The following PTPRK variants were observed in gnomAD, a reference collection of about 807,000 sequenced individuals.
PTPRK encodes the protein receptor-type tyrosine-protein phosphatase kappa.
A neutral mutation model predicts 178.0 loss-of-function variants in PTPRK; 75 were observed. The ratio of observed to expected loss-of-function variants is 0.42; its 90% confidence interval spans 0.35 to 0.51. The LOEUF (loss-of-function observed/expected upper bound fraction) is 0.51, where lower values mean the gene tolerates loss of function less well. Ranked by LOEUF, PTPRK falls within the 20% of genes least tolerant of loss-of-function variation. The pLI is 0.02. For missense variants in PTPRK, 1,441 were observed against 1,797.8 expected, an observed-to-expected ratio of 0.80 and a Z score of 3.59; for synonymous variants, 637 against 620.6, an observed-to-expected ratio of 1.03 and a Z score of -0.39.
intron 21 of PTPRK, among the ~76,000 whole-genome samples, chr6:127,988,808 A>T: frequency 6.6e-6 from 1 of 150,688 alleles, no homozygotes; most frequent in South Asian, 2.1e-4. Context: ...CTTTTTTCTC[A>T]TTTGTTTCTT....
intron 13 of PTPRK, among the ~76,000 whole-genome samples, chr6:128,031,902 C>T (rs1216807382): frequency 6.6e-6 from 1 of 152,180 alleles, no homozygotes; most frequent in Non-Finnish European, 1.5e-5. Flanking sequence ...TCCTCAATCT[C>T]ATGTCCTGTC....
At chr6:128,215,389 C>T (rs894253520) in intron 6 of PTPRK, among the ~76,000 whole-genome samples, 7 of 152,272 alleles carry the variant, frequency 4.6e-5, no homozygotes, top group African/African-American at 1.7e-4. Flanking sequence ...CTTATAAATA[C>T]TACTTCGACT....
chr6:128,114,425 C>T (rs1351633196), intron 7 of PTPRK, among the ~76,000 whole-genome samples: 1 of 151,798 alleles, frequency 6.6e-6, no homozygotes, highest in African/African-American at 2.4e-5. Context: ...CAAAACCAGC[C>T]TAGCCAACAT....
chr6:128,441,832 C>G (rs1344546244), intron 1 of PTPRK, among the ~76,000 whole-genome samples: 3 of 152,160 alleles, frequency 2.0e-5, no homozygotes, highest in African/African-American at 7.2e-5. Flanking sequence ...TATGAAAGCA[C>G]AAATGGTCTG....
At chr6:128,141,661 G>C (rs557069015) in intron 7 of PTPRK, among the ~76,000 whole-genome samples, 42 of 151,888 alleles carry the variant, frequency 2.8e-4, no homozygotes, top group African/African-American at 1.0e-3. Context: ...GCTTCATTAT[G>C]TGTTAAAGCA....
At position 128,196,139 on chromosome 6, in the gene PTPRK, T is replaced by C. The variant is rs147908218; in HGVS notation, c.869-11414A>G. On this transcript the variant is annotated intron_variant, in intron 6 of 29. Transcript: ENST00000368226. ...TTCAACTAAGAAAGGCAGGTTTTCA[T>C]GGGCAATTGGAGAATATGTAGGCTT... Among the ~76,000 whole-genome samples the C allele has an allele frequency of 6.7e-3, 1,025 of 152,186 alleles. 6 individuals are homozygous for C. Among genetic ancestry groups the C allele is most frequent in the African/African-American group, 0.018 (746 of 41,538 alleles).
chr6:127,990,559 C>T (rs570669820), intron 21 of PTPRK, among the ~76,000 whole-genome samples: 25 of 151,806 alleles, frequency 1.6e-4, no homozygotes, highest in African/African-American at 5.6e-4. Context: ...TTAATTCAAT[C>T]GGCTCTAAGA....
intron 2 of PTPRK, among the ~76,000 whole-genome samples, chr6:128,347,810 CATTTT>C (rs908003683): frequency 1.3e-5 from 2 of 152,038 alleles, no homozygotes; most frequent in African/African-American, 2.4e-5. Flanking sequence ...AAATTTCCCA[CATTTT>C]ATTTATTTAT....
intron 6 of PTPRK, among the ~76,000 whole-genome samples, chr6:128,217,195 G>A (rs1020282879): frequency 7.2e-5 from 11 of 152,172 alleles, no homozygotes; most frequent in Admixed American, 6.5e-4. Flanking sequence ...GTGAACATGT[G>A]ATAAATTGTT....
intron 2 of PTPRK, among the ~76,000 whole-genome samples, chr6:128,373,109 A>G (rs1836525141): frequency 6.6e-6 from 1 of 152,214 alleles, no homozygotes; most frequent in Non-Finnish European, 1.5e-5. Context: ...TATCAAAGAC[A>G]TTGTGCTAAA....
intron 6 of PTPRK, among the ~76,000 whole-genome samples, chr6:128,211,998 A>C (rs1266581035): frequency 6.6e-6 from 1 of 152,000 alleles, no homozygotes; most frequent in Non-Finnish European, 1.5e-5. Flanking sequence ...AGACTCTCCC[A>C]GTGTAACTTT....
rs576508611 is a variant in PTPRK at position 128,520,472 on chromosome 6, C to T, written c.-114G>A. 3.4e-5 allele frequency: 32 copies of T among 935,588 alleles called. No individual in the cohort carries two copies. The African/African-American group carries it at 4.4e-4, about 13-fold the overall frequency. The allele number at this position is 935,588 out of a possible 1,614,324, so 58.0% of individuals were successfully genotyped here. A position where few individuals can be genotyped will look rare whatever the true frequency, so the allele number is the denominator to read the frequency against. On this transcript the variant is annotated 5_prime_UTR_variant, in exon 1 of 30. Coordinates refer to ENST00000368226, the MANE Select transcript of PTPRK (RefSeq NM_002844.4). ...TCGCGGGGTGAGGACGGTGAGAGGA[C>T]AGCCGCCCGCCCGCCCTTTTTCCTT...
intron 1 of PTPRK, among the ~76,000 whole-genome samples, chr6:128,443,775 C>T (rs1384057865): frequency 6.6e-6 from 1 of 152,154 alleles, no homozygotes; most frequent in Non-Finnish European, 1.5e-5. Context: ...TTTGCTATGC[C>T]TGGGAAATAA....
chr6:128,385,238 T>A (rs192654348), intron 2 of PTPRK, among the ~76,000 whole-genome samples: 2 of 152,078 alleles, frequency 1.3e-5, no homozygotes, highest in African/African-American at 4.8e-5. Flanking sequence ...AAATAAAAAT[T>A]TCAAGAGGTC....
intron 2 of PTPRK, among the ~76,000 whole-genome samples, chr6:128,395,201 A>G (rs1840133560): frequency 1.3e-5 from 2 of 152,214 alleles, no homozygotes; most frequent in South Asian, 4.1e-4. Context: ...CTATTATAAA[A>G]AGAGATGACT....
Position 127,992,445 on chromosome 6 carries a change from C to T in PTPRK, c.2881+228G>A, listed in dbSNP as rs574181816. Among the ~76,000 whole-genome samples the T allele has an allele frequency of 2.6e-5, 4 of 151,706 alleles. No individual in the cohort carries two copies. The South Asian group carries it at 8.3e-4, about 31-fold the overall frequency. ...GTAACAAGGATCAAATCATAATAAC[C>T]ACTACCAGCTTTTCTTTCACTTTTA... On this transcript the variant is annotated intron_variant, in intron 19 of 29. Transcript: ENST00000368226.
intron 3 of PTPRK, among the ~76,000 whole-genome samples, chr6:128,316,820 G>T (rs542297881): frequency 6.6e-6 from 1 of 150,708 alleles, no homozygotes; most frequent in Non-Finnish European, 1.5e-5. Flanking sequence ...TGGTTCAAGC[G>T]ATTCTCCTGC....
At chr6:128,127,619 A>G (rs1010359223) in intron 7 of PTPRK, among the ~76,000 whole-genome samples, 1 of 152,214 alleles carries the variant, frequency 6.6e-6, no homozygotes, top group Non-Finnish European at 1.5e-5. Context: ...GCAAGGTCAC[A>G]ATGTTACCTG....
intron 13 of PTPRK, among the ~76,000 whole-genome samples, chr6:128,016,178 A>T (rs2114741861): frequency 6.6e-6 from 1 of 152,018 alleles, no homozygotes; most frequent in Middle Eastern, 3.4e-3. Flanking sequence ...GAAGAGAAAA[A>T]TACAAATTTA....
Sources: gnomAD v4.1 joint callset for allele counts (sites outside exome capture counted in the v4.1 genomes callset) on GRCh38, gnomAD v4.1.1 for gene constraint, MANE v1.5 for transcripts, NCBI Gene and HGNC (gene_info 2026-07-23, HGNC 2026-07-21) for gene names.